The following BAZ2B variants were observed in gnomAD, a reference collection of about 807,000 sequenced individuals.
BAZ2B encodes bromodomain adjacent to zinc finger domain protein 2B.
In BAZ2B, 91 loss-of-function variants were observed where a neutral mutation model predicts 246.0. That is an observed-to-expected ratio of 0.37 (90% CI 0.31 to 0.44). The LOEUF is 0.44. Among genes scored for constraint, BAZ2B ranks in the 20% least tolerant of loss-of-function variants. The probability of loss-of-function intolerance (pLI) is 1.00; values close to 1 mark genes in which losing one functional copy is unlikely to be tolerated. For missense variants in BAZ2B, 2,332 were observed against 2,533.7 expected (o/e 0.92, Z 1.71); for synonymous variants, 855 against 860.0 (o/e 0.99, Z 0.10).
chr2:159,622,089 A>T, the BAZ2B span, among the ~76,000 whole-genome samples: 1 of 150,098 alleles, frequency 6.7e-6, no homozygotes, highest in African/African-American at 2.5e-5. Flanking sequence ...CTGGGCAACA[A>T]GAGCGAAACT....
At chr2:159,634,080 A>G in the BAZ2B span, among the ~76,000 whole-genome samples, 1 of 152,194 alleles carries the variant, frequency 6.6e-6, no homozygotes, top group Non-Finnish European at 1.5e-5. Flanking sequence ...CACAAGGACC[A>G]AAATTCAATA....
At chr2:159,707,386 T>TA in the BAZ2B span, among the ~76,000 whole-genome samples, 1 of 151,518 alleles carries the variant, frequency 6.6e-6, no homozygotes, top group African/African-American at 2.4e-5. Context: ...TCATCTCTAT[T>TA]AAAAAAATAA....
At chr2:159,490,292 G>A (rs1191565431) in intron 2 of BAZ2B, among the ~76,000 whole-genome samples, 3 of 151,950 alleles carry the variant, frequency 2.0e-5, no homozygotes, top group African/African-American at 7.3e-5. Flanking sequence ...TTCAATCCAA[G>A]CTTTAAAAAA....
At chr2:159,712,337 G>A in the BAZ2B span, 5 of 152,142 alleles carry the variant, frequency 3.3e-5, no homozygotes, top group African/African-American at 1.2e-4. Flanking sequence ...CTGACTCCCC[G>A]GGGGCAGCTC....
At chr2:159,375,615 G>C (rs1014289181) in intron 25 of BAZ2B, among the ~76,000 whole-genome samples, 4 of 152,188 alleles carry the variant, frequency 2.6e-5, no homozygotes, top group Non-Finnish European at 5.9e-5. Context: ...GTGTGGAGCA[G>C]AGAAAGGATT....
intron 35 of BAZ2B, among the ~76,000 whole-genome samples, chr2:159,325,413 G>T (rs894678168): frequency 6.6e-6 from 1 of 151,280 alleles, no homozygotes; most frequent in African/African-American, 2.4e-5. Flanking sequence ...TTTCAGGTGT[G>T]AGCCGCTGTG....
At chr2:159,634,563 G>A in the BAZ2B span, among the ~76,000 whole-genome samples, 11 of 152,228 alleles carry the variant, frequency 7.2e-5, no homozygotes, top group African/African-American at 2.2e-4. Context: ...GAATTTTGAC[G>A]AGTTGATTTT....
intron 1 of BAZ2B, among the ~76,000 whole-genome samples, chr2:159,572,348 T>C (rs1124334): frequency 0.53 from 80,032 of 151,982 alleles, 22,010 homozygotes; most frequent in East Asian, 0.73. Context: ...TGTGAGTAAC[T>C]GAGAGACCCT....
At chr2:159,437,196 T>G (rs189219355) in intron 8 of BAZ2B, among the ~76,000 whole-genome samples, 288 of 152,320 alleles carry the variant, frequency 1.9e-3, no homozygotes, top group Non-Finnish European at 3.3e-3. Context: ...CATAATGGTT[T>G]CCTACTCTAG....
At chr2:159,673,295 A>G in the BAZ2B span, among the ~76,000 whole-genome samples, 1 of 152,244 alleles carries the variant, frequency 6.6e-6, no homozygotes, top group African/African-American at 2.4e-5. Context: ...AATGCAAATT[A>G]AAACTACACT....
the BAZ2B span, among the ~76,000 whole-genome samples, chr2:159,646,119 C>T: frequency 6.6e-6 from 1 of 152,094 alleles, no homozygotes; most frequent in African/African-American, 2.4e-5. Flanking sequence ...TTATTTCATC[C>T]CTACAGTTTT....
intron 1 of BAZ2B, among the ~76,000 whole-genome samples, chr2:159,608,415 C>G (rs1381798534): frequency 1.3e-5 from 2 of 152,150 alleles, no homozygotes; most frequent in Non-Finnish European, 2.9e-5. Context: ...AGTCCATTAA[C>G]TCACCCTTCT....
rs188416097 is a variant in BAZ2B, at chr2:159,433,508, C to T, written c.1294-145G>A. The stretch of plus-strand genomic sequence containing the variant: ...TGATATACAAATGCTGTAAAAGTAG[C>T]AACAGCTATGACTAGTTGGTTGCTA... On this transcript the variant is annotated intron_variant, in intron 8 of 36. Transcript: ENST00000392783. The T allele has an allele frequency of 2.3e-5, 16 of 710,154 alleles. No homozygotes were observed. The Admixed American group carries it at 2.3e-4, about 10-fold the overall frequency. The allele number at this position is 710,154 out of a possible 1,614,324, so 44.0% of individuals were successfully genotyped here.
chr2:159,420,199 G>C (rs61280799), intron 13 of BAZ2B, among the ~76,000 whole-genome samples: 3,922 of 152,112 alleles, frequency 0.026, 140 homozygotes, highest in African/African-American at 0.089. Context: ...GTACTGAAAG[G>C]TGTGTTCACA....
rs760682161 is a variant in BAZ2B, at chr2:159,438,395, G to A, written c.1201C>T (p.Leu401Phe). ...NQAKKETYMK[L>F]IVPSPDVLKA... Reference sequence around the variant, plus strand: ...AGAACATCAGGAGAAGGAACTATGAGTTTCATGTAAGTTTCCTTTTTGGCT... The same window carrying A: ...AGAACATCAGGAGAAGGAACTATGAATTTCATGTAAGTTTCCTTTTTGGCT... Residue 401 changes from leucine (L) to phenylalanine (F), a missense_variant, in exon 8 of 37, where the codon CTC becomes TTC. Leu to Phe is a conservative substitution (Grantham distance 22). Around this residue, in one of 9 missense-constraint regions of BAZ2B, gnomAD observed 651 missense variants for 650.9 expected, o/e 1.00. Coordinates refer to ENST00000392783, the MANE Select transcript of BAZ2B (RefSeq NM_013450.4). 21 of 1,614,008 alleles carry A rather than the reference G, an allele frequency of 1.3e-5. No homozygotes were observed. The highest frequency in any genetic ancestry group is 1.8e-5 in the Non-Finnish European group (21 of 1,180,004).
At chr2:159,689,201 T>C in the BAZ2B span, 3 of 452,128 alleles carry the variant, frequency 6.6e-6, no homozygotes, top group Non-Finnish European at 1.2e-5. Flanking sequence ...TTGCCACTAT[T>C]ATAAGTCTGA....
In BAZ2B at chr2:159,412,351, T is replaced by C; in HGVS notation, c.2661A>G (p.Arg887=). ...FLDNADAKLL[R]KLQAQEIARQ... is the part of the protein sequence containing the mutation. ...GTTTCTTACCTTGAGCTTGCAGTTT[T>C]CTTAGCAACTTTGCATCTGCGTTAT... is the stretch of plus-strand genomic sequence containing the variant. Residue 887 remains arginine (R), a synonymous_variant, in exon 14 of 37, where the codon AGA becomes AGG. Transcript: ENST00000392783. 1 of 1,614,178 alleles carries C rather than the reference T, an allele frequency of 6.2e-7. No homozygotes were observed. The highest frequency in any genetic ancestry group is 8.5e-7 in the Non-Finnish European group (1 of 1,180,002).
intron 3 of BAZ2B, among the ~76,000 whole-genome samples, chr2:159,469,376 CTCAT>C (rs1238182292): frequency 1.4e-4 from 21 of 152,158 alleles, no homozygotes; most frequent in African/African-American, 4.8e-4. Flanking sequence ...CCAACCAAAG[CTCAT>C]TCAAAGAGAA....
chr2:159,649,634 A>AT, the BAZ2B span, among the ~76,000 whole-genome samples: 1 of 151,620 alleles, frequency 6.6e-6, no homozygotes, highest in Non-Finnish European at 1.5e-5. Context: ...TGCTTTCAAG[A>AT]TTTTCTCTTA....
Sources: gnomAD v4.1 joint callset for allele counts (sites outside exome capture counted in the v4.1 genomes callset) on GRCh38, gnomAD v4.1.1 for gene constraint, gnomAD v4.1.1 regional missense constraint, MANE v1.5 for transcripts, NCBI Gene and HGNC (gene_info 2026-07-23, HGNC 2026-07-21) for gene names.